JDP2: variants seen among roughly 807,000 people sequenced by gnomAD.
JDP2 encodes the protein Jun dimerization protein 2.
A neutral mutation model predicts 17.1 loss-of-function variants in JDP2; 9 were observed. That is an observed-to-expected ratio of 0.53 (90% confidence interval 0.32 to 0.92). The LOEUF (loss-of-function observed/expected upper bound fraction) is 0.92, where lower values mean the gene tolerates loss of function less well. Among genes scored for constraint, JDP2 ranks in the 40% least tolerant of loss-of-function variants. JDP2 has a pLI of 0.04. For synonymous variants in JDP2, 107 were observed against 95.6 expected, an observed-to-expected ratio of 1.12 and a Z score of -0.69; for missense variants, 179 against 220.0, an observed-to-expected ratio of 0.81 and a Z score of 1.18.
intron 1 of JDP2, among the ~76,000 whole-genome samples, chr14:75,435,593 G>T (rs1348768932): frequency 6.6e-6 from 1 of 152,202 alleles, no homozygotes; most frequent in African/African-American, 2.4e-5. Context: ...CAGGAGTCGA[G>T]CCCTGGCTCC....
upstream of JDP2, chr14:75,427,173 A>C (rs1284505429): frequency 1.3e-5 from 2 of 152,816 alleles, no homozygotes; most frequent in African/African-American, 4.8e-5. The surrounding 1 kb of genome is among the most constrained non-coding windows in gnomAD (Gnocchi z 4.4). Context: ...GGAACGGGGA[A>C]GAAGGCCACT....
chr14:75,454,469 T>TTAATTTAG (rs1473207109), intron 2 of JDP2, among the ~76,000 whole-genome samples: 1 of 152,160 alleles, frequency 6.6e-6, no homozygotes, highest in Non-Finnish European at 1.5e-5. Flanking sequence ...TTAAATGTAG[T>TTAATTTAG]TAATTTAGTT....
intron 2 of JDP2, chr14:75,445,453 C>T: frequency 1.0e-6 from 1 of 985,352 alleles, no homozygotes; most frequent in Non-Finnish European, 1.2e-6. Flanking sequence ...CCGTGGTTTG[C>T]CTCTGTAGTC....
At chr14:75,464,336 C>T (rs1886474706) in intron 3 of JDP2, among the ~76,000 whole-genome samples, 1 of 152,326 alleles carries the variant, frequency 6.6e-6, no homozygotes, top group Non-Finnish European at 1.5e-5. Context: ...CAAATATCTA[C>T]AGGCGGCCTT....
intron 2 of JDP2, among the ~76,000 whole-genome samples, chr14:75,450,037 G>C (rs942764249): frequency 5.3e-5 from 8 of 152,168 alleles, no homozygotes; most frequent in African/African-American, 1.9e-4. Flanking sequence ...CACCTCGGCG[G>C]CCTGTTGTTT....
intron 3 of JDP2, among the ~76,000 whole-genome samples, chr14:75,465,582 G>C (rs531790379): frequency 3.3e-5 from 5 of 152,048 alleles, no homozygotes; most frequent in Admixed American, 2.0e-4. Context: ...CTCCTACCTC[G>C]GCCTCCCAAA....
chr14:75,451,123 C>T (rs73301650), intron 2 of JDP2, among the ~76,000 whole-genome samples: 3,920 of 152,284 alleles, frequency 0.026, 166 homozygotes, highest in African/African-American at 0.089. Context: ...GGCCAAGTCC[C>T]AGCAACCTCA....
At position 75,430,196 on chromosome 14, in the gene JDP2, C is replaced by T. The variant is rs1337714249; in HGVS notation, c.-24+1944C>T. Reference sequence around the variant, plus strand: ...GCAGAATCCCTGGCAGGAATAGGCTCTCTGGGCCTTGTTTGTCGTGGGGCT... The same window carrying T: ...GCAGAATCCCTGGCAGGAATAGGCTTTCTGGGCCTTGTTTGTCGTGGGGCT... On this transcript the variant is annotated intron_variant, in intron 1 of 3. Coordinates refer to ENST00000651602, the MANE Select transcript of JDP2 (RefSeq NM_001135048.2). The surrounding 1 kb of genome is among the most constrained non-coding windows in gnomAD (Gnocchi z 4.5). Among the ~76,000 whole-genome samples the T allele has an allele frequency of 2.0e-5, 3 of 152,126 alleles. No individual in the cohort carries two copies. Among genetic ancestry groups the T allele is most frequent in the African/African-American group, 7.2e-5 (3 of 41,402 alleles).
chr14:75,435,088 T>C (rs919832235), intron 1 of JDP2, among the ~76,000 whole-genome samples: 1 of 152,244 alleles, frequency 6.6e-6, no homozygotes, highest in Non-Finnish European at 1.5e-5. Context: ...GGCACAGTTT[T>C]GCTACAAGGA....
At chr14:75,463,148 A>G (rs1439456845) in intron 3 of JDP2, among the ~76,000 whole-genome samples, 1 of 152,262 alleles carries the variant, frequency 6.6e-6, no homozygotes. Flanking sequence ...GTGACACACC[A>G]GTGCAATAAA....
At chr14:75,444,317 C>T (rs905458072) in intron 2 of JDP2, among the ~76,000 whole-genome samples, 2 of 152,196 alleles carry the variant, frequency 1.3e-5, no homozygotes, top group East Asian at 1.9e-4. Context: ...ATGTGTTGAT[C>T]GTGCAAAGTA....
chr14:75,462,270 G>C (rs7359140), intron 3 of JDP2, among the ~76,000 whole-genome samples: 77,487 of 152,076 alleles, frequency 0.51, 20,909 homozygotes, highest in African/African-American at 0.7. Context: ...GCTAATCAGT[G>C]CAGGCCAGGA....
chr14:75,460,622 G>A (rs1018222472), intron 2 of JDP2, among the ~76,000 whole-genome samples: 5 of 152,320 alleles, frequency 3.3e-5, no homozygotes, highest in East Asian at 1.9e-4. Context: ...GGTCGTCACC[G>A]CCCGTTGGGT....
chr14:75,454,432 T>C (rs1886010311), intron 2 of JDP2, among the ~76,000 whole-genome samples: 1 of 152,222 alleles, frequency 6.6e-6, no homozygotes, highest in South Asian at 2.1e-4. Context: ...AATAGAGCTG[T>C]GCTGGGTGAC....
intron 1 of JDP2, among the ~76,000 whole-genome samples, chr14:75,436,749 C>T (rs1885081725): frequency 6.6e-6 from 1 of 152,212 alleles, no homozygotes; most frequent in Non-Finnish European, 1.5e-5. Context: ...CCATTTCTTA[C>T]CCATGAGCTT....
chr14:75,456,738 G>T (rs1424471326), intron 2 of JDP2, among the ~76,000 whole-genome samples: 1 of 152,182 alleles, frequency 6.6e-6, no homozygotes, highest in Admixed American at 6.5e-5. Context: ...GGCCCTGCAT[G>T]ACCCCTCAGT....
Position 75,458,099 on chromosome 14 carries a change from G to A in JDP2, c.202-3327G>A, listed in dbSNP as rs528932563. ...GGGAAAACAGGCACCCACACAAACC[G>A]ACGCTTGTGGTAGGATGCGATGGAG... is the stretch of plus-strand genomic sequence containing the variant. On this transcript the variant is annotated intron_variant, in intron 2 of 3. Coordinates refer to ENST00000651602, the MANE Select transcript of JDP2 (RefSeq NM_001135048.2). Among the ~76,000 whole-genome samples, 3 of 152,298 alleles carry A rather than the reference G, an allele frequency of 2.0e-5. No homozygotes were observed. The South Asian group carries it at 6.2e-4, about 32-fold the overall frequency.
At position 75,472,216 on chromosome 14, in the gene JDP2, G is replaced by A. The variant is rs966436730; in HGVS notation, c.*2741G>A. On this transcript the variant is annotated 3_prime_UTR_variant, in exon 4 of 4. Transcript: ENST00000651602. Reference sequence around the variant, plus strand: ...TCAACTGCTTTGTGCACCCTGACTGGGGGGTAGGTGCTAGCGTTCCAACAT... The same window carrying A: ...TCAACTGCTTTGTGCACCCTGACTGAGGGGTAGGTGCTAGCGTTCCAACAT... 6.6e-6 allele frequency: 1 copy of A among 152,240 alleles called. No homozygotes were observed. The highest frequency in any genetic ancestry group is 1.5e-5 in the Non-Finnish European group (1 of 68,054). 9.4% of individuals were successfully genotyped at this position (152,240 alleles called of 1,614,324 possible).
intron 2 of JDP2, among the ~76,000 whole-genome samples, chr14:75,453,692 C>G (rs1201540360): frequency 6.6e-6 from 1 of 152,224 alleles, no homozygotes; most frequent in Non-Finnish European, 1.5e-5. Flanking sequence ...CAGGAGCACA[C>G]AGCTGGTCTA....
Sources: allele counts gnomAD v4.1 joint callset (sites outside exome capture counted in the v4.1 genomes callset), GRCh38; gene constraint gnomAD v4.1.1; non-coding constraint Gnocchi (gnomAD v3.1); transcripts MANE v1.5; gene names NCBI Gene and HGNC (gene_info 2026-07-23, HGNC 2026-07-21).